DTNA: variants seen among roughly 807,000 people sequenced by gnomAD.
The protein encoded by DTNA is dystrophin-related protein 3.
A neutral mutation model predicts 100.7 loss-of-function variants in DTNA; 43 were observed. The ratio of observed to expected loss-of-function variants is 0.43; its 90% CI spans 0.33 to 0.55. The LOEUF (loss-of-function observed/expected upper bound fraction) is 0.55. Ranked by LOEUF, DTNA falls within the 20% of genes least tolerant of loss-of-function variation. DTNA has a pLI of 0.04. For synonymous variants in DTNA, 349 were observed against 347.9 expected (o/e 1.00, Z -0.04); for missense variants, 798 against 953.9 (o/e 0.84, Z 2.15).
chr18:34,784,365 A>G (rs985450491), intron 3 of DTNA, among the ~76,000 whole-genome samples: 2 of 152,158 alleles, frequency 1.3e-5, no homozygotes, highest in Non-Finnish European at 1.5e-5. Flanking sequence ...CTCCAACACA[A>G]ATTTCTCTGG....
At chr18:34,786,447 A>C (rs1194184684) in intron 3 of DTNA, among the ~76,000 whole-genome samples, 1 of 152,164 alleles carries the variant, frequency 6.6e-6, no homozygotes. Flanking sequence ...GGAGGGGAGA[A>C]CTGAATGCAT....
At chr18:34,868,169 AAG>A (rs1224815145) in intron 17 of DTNA, 20 of 419,910 alleles carry the variant, frequency 4.8e-5, no homozygotes, top group African/African-American at 4.0e-4. Flanking sequence ...AAAAAAAAAA[AAG>A]GAAAATTATC....
At chr18:34,546,671 G>A (rs541907994) in intron 1 of DTNA, among the ~76,000 whole-genome samples, 8 of 152,204 alleles carry the variant, frequency 5.3e-5, no homozygotes, top group Admixed American at 2.0e-4. Context: ...TGGCTAAAAT[G>A]TGAGTAATTT....
intron 1 of DTNA, among the ~76,000 whole-genome samples, chr18:34,525,807 G>A (rs747394648): frequency 2.8e-4 from 43 of 152,260 alleles, no homozygotes; most frequent in Middle Eastern, 3.4e-3. Flanking sequence ...GAAATTGATT[G>A]TCTACTCAAG....
intron 1 of DTNA, among the ~76,000 whole-genome samples, chr18:34,609,197 A>G (rs2053722047): frequency 6.6e-6 from 1 of 152,094 alleles, no homozygotes; most frequent in African/African-American, 2.4e-5. Flanking sequence ...TGTACAAGAT[A>G]AACTATATAA....
rs1300470884 is a variant in DTNA at position 34,891,172 on chromosome 18, C to T, written c.*3438C>T. ...GCAATTTGACACCATTTGAAATAATCAATTCAGAGACACTAAAGATTTCAC... is the reference window on the plus strand; with the variant it reads ...GCAATTTGACACCATTTGAAATAATTAATTCAGAGACACTAAAGATTTCAC... On this transcript the variant is annotated 3_prime_UTR_variant, in exon 23 of 23. Transcript: ENST00000444659. The T allele has an allele frequency of 6.6e-6, 1 of 152,024 alleles. No individual in the cohort carries two copies. The highest frequency in any genetic ancestry group is 1.5e-5 in the Non-Finnish European group (1 of 67,964). 9.4% of individuals were successfully genotyped at this position (152,024 alleles called of 1,614,324 possible).
At chr18:34,552,271 G>A (rs2045509161) in intron 1 of DTNA, among the ~76,000 whole-genome samples, 1 of 151,904 alleles carries the variant, frequency 6.6e-6, no homozygotes, top group Non-Finnish European at 1.5e-5. Context: ...GTAGTATGTT[G>A]TAATCAACCA....
intron 4 of DTNA, among the ~76,000 whole-genome samples, chr18:34,797,507 C>G (rs534676927): frequency 1.3e-5 from 2 of 152,246 alleles, no homozygotes; most frequent in South Asian, 4.2e-4. Context: ...TCTGTCTCCT[C>G]CAGAATCCCC....
chr18:34,674,801 C>G (rs543964214), intron 1 of DTNA, among the ~76,000 whole-genome samples: 1 of 152,198 alleles, frequency 6.6e-6, no homozygotes, highest in Non-Finnish European at 1.5e-5. Flanking sequence ...AGCAATAAGT[C>G]CCTGCCCAGA....
At chr18:34,857,476 A>T (rs745401417) in intron 15 of DTNA, among the ~76,000 whole-genome samples, 1 of 152,166 alleles carries the variant, frequency 6.6e-6, no homozygotes, top group East Asian at 1.9e-4. Flanking sequence ...CTTCTGACTC[A>T]CTTAGGGATA....
chr18:34,848,293 T>C lies in DTNA; in HGVS notation c.1347-3T>C, dbSNP rs761962331. 1.9e-6 allele frequency: 3 copies of C among 1,613,910 alleles called. No homozygotes were observed. Among genetic ancestry groups the C allele is most frequent in the Non-Finnish European group, 2.5e-6 (3 of 1,179,850 alleles). ...GGTCTCCTTCTTGCTTTGTTCTTAA[T>C]AGCATGCTTGAGAGTTCAAACCGGC... On this transcript the variant is annotated splice_region_variant and splice_polypyrimidine_tract_variant and intron_variant, in intron 13 of 22. Transcript: ENST00000444659.
At chr18:34,585,487 T>G (rs2049036555) in intron 1 of DTNA, among the ~76,000 whole-genome samples, 4 of 152,158 alleles carry the variant, frequency 2.6e-5, no homozygotes, top group Admixed American at 2.6e-4. Flanking sequence ...ATGTAAACCC[T>G]AATTAGTAGT....
intron 13 of DTNA, among the ~76,000 whole-genome samples, chr18:34,841,614 A>G (rs1469694877): frequency 6.6e-6 from 1 of 152,170 alleles, no homozygotes; most frequent in Non-Finnish European, 1.5e-5. Flanking sequence ...TTTACTTCTC[A>G]TAGTCCTAGA....
At chr18:34,833,791 C>T (rs1217227034) in intron 11 of DTNA, among the ~76,000 whole-genome samples, 1 of 152,122 alleles carries the variant, frequency 6.6e-6, no homozygotes, top group Non-Finnish European at 1.5e-5. Context: ...AAAGGTGTAT[C>T]CCATGGTCAA....
intron 1 of DTNA, among the ~76,000 whole-genome samples, chr18:34,553,131 A>G (rs1199056140): frequency 6.7e-6 from 1 of 150,130 alleles, no homozygotes; most frequent in Non-Finnish European, 1.5e-5. Context: ...ATGGCCAGTG[A>G]TGATGAGCAT....
intron 1 of DTNA, among the ~76,000 whole-genome samples, chr18:34,553,682 A>G (rs1186687187): frequency 1.5e-4 from 22 of 150,654 alleles, no homozygotes; most frequent in Admixed American, 4.6e-4. Context: ...CAAAGATCAG[A>G]TAGTTGTAGA....
chr18:34,857,506 A>C (rs1184557436), intron 15 of DTNA, among the ~76,000 whole-genome samples: 1 of 152,164 alleles, frequency 6.6e-6, no homozygotes, highest in African/African-American at 2.4e-5. Flanking sequence ...GCCAGGTCAC[A>C]TATCCTTTAT....
intron 1 of DTNA, among the ~76,000 whole-genome samples, chr18:34,665,670 A>G (rs1165582970): frequency 6.6e-6 from 1 of 151,838 alleles, no homozygotes; most frequent in Non-Finnish European, 1.5e-5. Context: ...GAGAACATGC[A>G]GTGTTTGGTT....
chr18:34,747,696 A>C (rs2091824947), intron 1 of DTNA, among the ~76,000 whole-genome samples: 1 of 152,174 alleles, frequency 6.6e-6, no homozygotes, highest in Non-Finnish European at 1.5e-5. Context: ...GCCAAGTAGT[A>C]TTCCAAGGTG....
Sources: allele counts gnomAD v4.1 joint callset (sites outside exome capture counted in the v4.1 genomes callset), GRCh38; gene constraint gnomAD v4.1.1; transcripts MANE v1.5; gene names NCBI Gene and HGNC (gene_info 2026-07-23, HGNC 2026-07-21).